OLFM1: variants seen among roughly 807,000 people sequenced by gnomAD.
OLFM1 encodes the protein noelin.
OLFM1 carries 9 observed loss-of-function variants against 49.7 expected under a neutral mutation model. The observed-to-expected ratio is 0.18, with a 90% CI of 0.11 to 0.32. The LOEUF (loss-of-function observed/expected upper bound fraction) is 0.32. OLFM1 is among the 10% of genes least tolerant of loss of function. The pLI is 1.00. For missense variants in OLFM1, 369 were observed against 661.8 expected (o/e 0.56, Z 4.85); for synonymous variants, 240 against 271.8 (o/e 0.88, Z 1.15).
rs986652152 is a variant in OLFM1 at position 135,113,302 on chromosome 9, C to T, written c.784-6202C>T. Among the ~76,000 whole-genome samples, 2 of 152,128 alleles carry T rather than the reference C, an allele frequency of 1.3e-5. No individual in the cohort carries two copies. Among genetic ancestry groups the T allele is most frequent in the Non-Finnish European group, 2.9e-5 (2 of 68,022 alleles). On this transcript the variant is annotated intron_variant, in intron 5 of 5. Transcript: ENST00000371793. The surrounding 1 kb of genome is among the most constrained non-coding windows in gnomAD (Gnocchi z 4.0). ...TTCAGATGGGCTGACCCTACCGCCACGTCCCCACAGGTGGTCTTATGGCCT... is the reference window on the plus strand; with the variant it reads ...TTCAGATGGGCTGACCCTACCGCCATGTCCCCACAGGTGGTCTTATGGCCT...
At chr9:135,100,668 T>C (rs11999536) in intron 4 of OLFM1, among the ~76,000 whole-genome samples, 5,987 of 152,254 alleles carry the variant, frequency 0.039, 221 homozygotes, top group African/African-American at 0.097. Context: ...AGGTAGTAAA[T>C]GCCACTCGAT....
At position 135,088,011 on chromosome 9, in the gene OLFM1, A is replaced by G; in HGVS notation, c.22A>G (p.Ile8Val). ...CGCGATGTCGGTGCCGCTGCTCAAG[A>G]TCGGGGTCGTGCTGAGCACCATGGC... MSVPLLK[I>V]GVVLSTMAMI... Residue 8 changes from isoleucine to valine, a missense_variant, in exon 1 of 6, where the codon ATC becomes GTC. This residue lies in a region of OLFM1 where 20 missense variants were observed against 41.0 expected (regional missense o/e 0.49). Coordinates refer to ENST00000371793, the MANE Select transcript of OLFM1 (RefSeq NM_001282611.2). The surrounding 1 kb of genome is among the most constrained non-coding windows in gnomAD (Gnocchi z 4.8). 1.4e-6 allele frequency: 2 copies of G among 1,456,532 alleles called. No individual in the cohort carries two copies. The highest frequency in any genetic ancestry group is 1.8e-6 in the Non-Finnish European group (2 of 1,095,824). The allele number at this position is 1,456,532 out of a possible 1,614,324, so 90.2% of individuals were successfully genotyped here.
intron 4 of OLFM1, 51 bp from the exon 5 acceptor site, chr9:135,106,698 G>A (rs775844094): frequency 7.5e-6 from 11 of 1,460,658 alleles, no homozygotes; most frequent in East Asian, 2.4e-5. Context: ...GGTCATCACC[G>A]CGGGCCGGGG....
rs558532284 is a variant in OLFM1 at position 135,103,299 on chromosome 9, T to C, written c.677-3450T>C. Among the ~76,000 whole-genome samples the C allele has an allele frequency of 1.4e-3, 209 of 152,344 alleles. 1 individual carries two copies. Among genetic ancestry groups the C allele is most frequent in the Middle Eastern group, 3.4e-3 (1 of 294 alleles). On this transcript the variant is annotated intron_variant, in intron 4 of 5. Coordinates refer to ENST00000371793, the MANE Select transcript of OLFM1 (RefSeq NM_001282611.2). Reference sequence around the variant, plus strand: ...CCAAGATTCCACTGAGGCTCTGCCATGGGCTTTTTTGGATCCTGTCAGTTC... The same window carrying C: ...CCAAGATTCCACTGAGGCTCTGCCACGGGCTTTTTTGGATCCTGTCAGTTC...
At chr9:135,093,947 A>G (rs1830749220) in intron 2 of OLFM1, among the ~76,000 whole-genome samples, 1 of 152,312 alleles carries the variant, frequency 6.6e-6, no homozygotes, top group East Asian at 1.9e-4. Context: ...TGTTTTTTAA[A>G]TCTAAAGTCT....
At chr9:135,084,848 C>A (rs1028153916), upstream of OLFM1, among the ~76,000 whole-genome samples, 6 of 152,170 alleles carry the variant, frequency 3.9e-5, no homozygotes, top group African/African-American at 1.4e-4. The surrounding 1 kb of genome is among the most constrained non-coding windows in gnomAD (Gnocchi z 4.6). Flanking sequence ...CCTCACTGTT[C>A]TGACTGTGGG....
intron 4 of OLFM1, 101 bp from the exon 5 acceptor site, chr9:135,106,648 G>A (rs1198801670): frequency 2.5e-6 from 2 of 815,744 alleles, no homozygotes; most frequent in African/African-American, 3.4e-5. Context: ...AAGAGGAGAA[G>A]CCGCCACATG....
At chr9:135,084,755 C>G (rs923870656), upstream of OLFM1, among the ~76,000 whole-genome samples, 1 of 152,158 alleles carries the variant, frequency 6.6e-6, no homozygotes, top group Non-Finnish European at 1.5e-5. This position sits in a 1 kb window ranked among gnomAD's most constrained non-coding sequence, Gnocchi z 4.6. Context: ...TGCCAAGGAG[C>G]ATCGGGAAGT....
intron 5 of OLFM1, among the ~76,000 whole-genome samples, chr9:135,111,279 C>T (rs1260447058): frequency 1.3e-5 from 2 of 152,206 alleles, no homozygotes; most frequent in Admixed American, 6.5e-5. Flanking sequence ...GGCAAAGAAA[C>T]CCTCATGGGT....
intron 1 of OLFM1, among the ~76,000 whole-genome samples, chr9:135,079,195 T>C (rs1387888761): frequency 6.6e-6 from 1 of 152,210 alleles, no homozygotes; most frequent in Non-Finnish European, 1.5e-5. Flanking sequence ...AAGAAGTGTC[T>C]GCACCGAGTG....
chr9:135,083,251 C>A (rs1830554823), upstream of OLFM1, among the ~76,000 whole-genome samples: 1 of 152,184 alleles, frequency 6.6e-6, no homozygotes, highest in African/African-American at 2.4e-5. Context: ...AGTACCACTC[C>A]CAGAATTGGC....
upstream of OLFM1, chr9:135,087,610 C>G: frequency 1.3e-6 from 1 of 752,522 alleles, no homozygotes; most frequent in Non-Finnish European, 1.8e-6. Context: ...GCGTCGGTCC[C>G]GCCCGGCCGA....
intron 1 of OLFM1, chr9:135,077,191 C>A (rs1830479845): frequency 3.3e-6 from 5 of 1,536,178 alleles, no homozygotes; most frequent in East Asian, 2.5e-5. Flanking sequence ...GGAGCAGATA[C>A]CTGCAGAGAA....
chr9:135,086,706 A>G (rs4446800), upstream of OLFM1: 199,477 of 455,758 alleles, frequency 0.44, 47,404 homozygotes, highest in African/African-American at 0.75. Context: ...CCTGCGCTTC[A>G]GGTGGGACTG....
chr9:135,094,902 G>A (rs1281314017), intron 2 of OLFM1, among the ~76,000 whole-genome samples: 1 of 152,148 alleles, frequency 6.6e-6, no homozygotes, highest in East Asian at 1.9e-4. Flanking sequence ...TTGCTGTCAT[G>A]GAGGTAACTT....
At chr9:135,091,680 CAT>C (rs1468759916) in intron 2 of OLFM1, among the ~76,000 whole-genome samples, 1 of 138,886 alleles carries the variant, frequency 7.2e-6, no homozygotes, top group Non-Finnish European at 1.5e-5. Context: ...CACACTCACA[CAT>C]AGTCTCACAC....
Position 135,120,263 on chromosome 9 carries a change from C to A in OLFM1, c.*85C>A. 2 of 1,125,646 alleles carry A rather than the reference C, an allele frequency of 1.8e-6. No individual in the cohort carries two copies. Among genetic ancestry groups the A allele is most frequent in the Non-Finnish European group, 2.5e-6 (2 of 788,012 alleles). 69.7% of individuals were successfully genotyped at this position (1,125,646 alleles called of 1,614,324 possible). A position where few individuals can be genotyped will look rare whatever the true frequency, so the allele number is the denominator to read the frequency against. ...TGCTGCCAAAAAGATACCAATAACA[C>A]TAACAATACCGATCTTGAAAAATCA... On this transcript the variant is annotated 3_prime_UTR_variant, in exon 6 of 6. Transcript: ENST00000371793.
upstream of OLFM1, chr9:135,087,467 G>T: frequency 6.5e-7 from 1 of 1,529,424 alleles, no homozygotes; most frequent in Non-Finnish European, 8.8e-7. Flanking sequence ...GGGGGTGGTG[G>T]TGTGTCCGTC....
intron 1 of OLFM1, chr9:135,077,091 A>G: frequency 6.4e-7 from 1 of 1,550,498 alleles, no homozygotes; most frequent in Non-Finnish European, 8.7e-7. Context: ...TGGCCCCAGG[A>G]AGGCCTGGTG....
Sources: gnomAD v4.1 joint callset for allele counts (sites outside exome capture counted in the v4.1 genomes callset) on GRCh38, gnomAD v4.1.1 for gene constraint, gnomAD v4.1.1 regional missense constraint, Gnocchi (gnomAD v3.1) non-coding constraint, MANE v1.5 for transcripts, NCBI Gene and HGNC (gene_info 2026-07-23, HGNC 2026-07-21) for gene names.